The following TMEM219 variants were observed in gnomAD, a reference collection of about 807,000 sequenced individuals.
TMEM219 encodes the protein transmembrane protein 219.
TMEM219 carries 18 observed loss-of-function variants against 17.9 expected under a neutral mutation model. The ratio of observed to expected loss-of-function variants is 1.01; its 90% CI spans 0.70 to 1.49. The LOEUF is 1.49. TMEM219 is among the 40% of genes most tolerant of loss of function. The probability of loss-of-function intolerance (pLI) is 0.00; values close to 1 mark genes in which losing one functional copy is unlikely to be tolerated. For missense variants in TMEM219, 288 were observed against 292.4 expected (o/e 0.99, Z 0.11); for synonymous variants, 113 against 124.0 (o/e 0.91, Z 0.59).
chr16:29,971,497 G>A lies in TMEM219; in HGVS notation c.675G>A (p.Met225Ile). The stretch of plus-strand genomic sequence containing the variant: ...GCCTTCTCTGCTGTGTCACTGCTAT[G>A]TGCTTCCACCCGCGCCGGGAGTCCC... ...FCGLLCCVTA[M>I]CFHPRRESHW... The change falls in exon 5 of 6, where the codon ATG (methionine) becomes ATA (isoleucine). Residue 225 changes from methionine to isoleucine, a missense_variant. By Grantham distance (10) the Met-to-Ile change is conservative (BLOSUM62 1). Transcript: ENST00000279396. 6.2e-7 allele frequency: 1 copy of A among 1,613,984 alleles called. No homozygotes were observed. Among genetic ancestry groups the A allele is most frequent in the Non-Finnish European group, 8.5e-7 (1 of 1,180,008 alleles).
intron 4 of TMEM219, among the ~76,000 whole-genome samples, chr16:29,970,501 T>A (rs1397822919): frequency 1.3e-5 from 2 of 151,682 alleles, no homozygotes; most frequent in Non-Finnish European, 2.9e-5. Context: ...AGTTTTTGTA[T>A]TTTTAGTAGA....
chr16:29,963,042 T>G, intron 1 of TMEM219, 65 bp from the exon 2 acceptor site: 19 of 1,402,172 alleles, frequency 1.4e-5, no homozygotes, highest in Non-Finnish European at 1.8e-5. Flanking sequence ...TTGTCTTCTC[T>G]GAGCTTTCTT....
chr16:29,965,740 A>G (rs2069204900), intron 3 of TMEM219, among the ~76,000 whole-genome samples: 2 of 151,790 alleles, frequency 1.3e-5, no homozygotes, highest in South Asian at 4.2e-4. Context: ...ACGCTCACCT[A>G]ATTCCCGCCC....
intron 2 of TMEM219, 44 bp downstream of exon 2, chr16:29,963,352 C>T: frequency 6.2e-7 from 1 of 1,613,786 alleles, no homozygotes. Context: ...CCAACCTAGA[C>T]AGGCTTTTGC....
chr16:29,968,177 C>G lies in TMEM219; in HGVS notation c.508C>G (p.Leu170Val). Residue 170 changes from leucine (L) to valine (V), a missense_variant, in exon 4 of 6, where the codon CTG (leucine) becomes GTG (valine). Transcript: ENST00000279396. ...CSEEGAGNAT[L>V]SPRMGEECVS... Reference sequence around the variant, plus strand: ...AGAGGAGGGGGCTGGAAATGCCACCCTGAGCCCTAGAATGGGTGAGGAATG... The same window carrying G: ...AGAGGAGGGGGCTGGAAATGCCACCGTGAGCCCTAGAATGGGTGAGGAATG... The G allele has an allele frequency of 1.2e-6, 2 of 1,614,196 alleles. No homozygotes were observed. Among genetic ancestry groups the G allele is most frequent in the Non-Finnish European group, 1.7e-6 (2 of 1,180,036 alleles).
intron 3 of TMEM219, among the ~76,000 whole-genome samples, chr16:29,964,481 T>TCAAACAAA (rs758066138): frequency 4.7e-5 from 7 of 150,202 alleles, no homozygotes; most frequent in Non-Finnish European, 7.4e-5. Context: ...AGACTCCGTC[T>TCAAACAAA]CAAACAAACA....
At chr16:29,965,564 CAAAAA>C (rs35045736) in intron 3 of TMEM219, among the ~76,000 whole-genome samples, 10 of 82,886 alleles carry the variant, frequency 1.2e-4, no homozygotes, top group African/African-American at 2.9e-4. Context: ...ACTAAAAATA[CAAAAA>C]AAAAAAAAAA....
chr16:29,962,295 G>C (rs1222508869), intron 1 of TMEM219, among the ~76,000 whole-genome samples, 163 bp downstream of exon 1: 1 of 152,178 alleles, frequency 6.6e-6, no homozygotes, highest in African/African-American at 2.4e-5. Flanking sequence ...CCTTCCAGCC[G>C]GACGGGAGGC....
Position 29,969,342 on chromosome 16 carries a change from G to A in TMEM219, c.585+1088G>A, listed in dbSNP as rs551535686. Among the ~76,000 whole-genome samples, 387 of 151,366 alleles carry A rather than the reference G, an allele frequency of 2.6e-3. 2 individuals carry two copies. The highest frequency in any genetic ancestry group is 4.2e-3 in the Non-Finnish European group (282 of 67,810). ...CTCCCGAGTAGCTGGGACTACAGGC[G>A]CCTGCCACCATGCCCGGCTAATTTT... On this transcript the variant is annotated intron_variant, in intron 4 of 5. Transcript: ENST00000279396.
chr16:29,972,618 G>A (rs1423575371), intron 5 of TMEM219, among the ~76,000 whole-genome samples: 1 of 152,226 alleles, frequency 6.6e-6, no homozygotes, highest in African/African-American at 2.4e-5. Context: ...GGGAAAAGTG[G>A]AAATAGTTGA....
At chr16:29,971,316 G>T in intron 4 of TMEM219, 92 bp from the exon 5 acceptor site, 1 of 1,361,474 alleles carries the variant, frequency 7.3e-7, no homozygotes, top group Non-Finnish European at 1.0e-6. Flanking sequence ...CTCCCTAGAT[G>T]TGGAGAGCCC....
intron 3 of TMEM219, among the ~76,000 whole-genome samples, chr16:29,966,657 A>C (rs944943630): frequency 6.6e-6 from 1 of 152,084 alleles, no homozygotes; most frequent in Non-Finnish European, 1.5e-5. Context: ...TCTACTAAAA[A>C]TACAAAAAAT....
At chr16:29,967,608 C>G (rs1238579891) in intron 3 of TMEM219, among the ~76,000 whole-genome samples, 3 of 151,872 alleles carry the variant, frequency 2.0e-5, no homozygotes, top group Non-Finnish European at 4.4e-5. Context: ...GAGACCCCAT[C>G]TCAAAAAAAT....
chr16:29,962,244 G>A (rs1567459264), intron 1 of TMEM219, 112 bp downstream of exon 1: 1 of 152,312 alleles, frequency 6.6e-6, no homozygotes, highest in South Asian at 2.1e-4. Context: ...TGCACCAGCG[G>A]CGGCGGACCC....
At chr16:29,963,027 G>A (rs2069164755) in intron 1 of TMEM219, 80 bp from the exon 2 acceptor site, 1 of 1,258,172 alleles carries the variant, frequency 7.9e-7, no homozygotes, top group Non-Finnish European at 1.1e-6. Flanking sequence ...GCCTTGGGAA[G>A]TCCTTTGTCT....
At chr16:29,964,798 G>A (rs1007821946) in intron 3 of TMEM219, among the ~76,000 whole-genome samples, 6 of 152,156 alleles carry the variant, frequency 3.9e-5, no homozygotes, top group African/African-American at 1.4e-4. Flanking sequence ...CACATCCCTG[G>A]ACTTTAGTCA....
At chr16:29,971,236 A>G (rs1488365567) in intron 4 of TMEM219, among the ~76,000 whole-genome samples, 172 bp from the exon 5 acceptor site, 3 of 147,968 alleles carry the variant, frequency 2.0e-5, no homozygotes, top group African/African-American at 7.5e-5. Context: ...ACAGAGCAAG[A>G]CTCCATCTCA....
chr16:29,964,977 A>C (rs912507237), intron 3 of TMEM219, among the ~76,000 whole-genome samples: 2 of 152,206 alleles, frequency 1.3e-5, no homozygotes, highest in African/African-American at 4.8e-5. Context: ...CTCCTCCTAG[A>C]GGCCCCTTTT....
rs1280698786 is a variant in TMEM219, at chr16:29,963,180, T to G, written c.37T>G (p.Cys13Gly). ...NCQAGHNLHL[C>G]LAHHPPLVCA... ...CCAGGCAGGGCACAACCTGCACCTG[T>G]GTCTGGCCCACCACCCACCTCTGGT... The change falls in exon 2 of 6, where the codon TGT becomes GGT. Residue 13 changes from cysteine (C) to glycine (G), a missense_variant. Transcript: ENST00000279396. The G allele has an allele frequency of 3.1e-6, 5 of 1,613,318 alleles. No homozygotes were observed. Among genetic ancestry groups the G allele is most frequent in the Non-Finnish European group, 4.2e-6 (5 of 1,180,050 alleles).
Sources: allele counts gnomAD v4.1 joint callset (sites outside exome capture counted in the v4.1 genomes callset), GRCh38; gene constraint gnomAD v4.1.1; transcripts MANE v1.5; gene names NCBI Gene and HGNC (gene_info 2026-07-23, HGNC 2026-07-21).